FOXP2: variants seen among roughly 807,000 people sequenced by gnomAD.
FOXP2 encodes forkhead box P2.
In FOXP2, 12 loss-of-function variants were observed where a neutral mutation model predicts 115.8. The ratio of observed to expected loss-of-function variants is 0.10; its 90% CI spans 0.07 to 0.17. The LOEUF is 0.17. Among genes scored for constraint, FOXP2 ranks in the 10% least tolerant of loss-of-function variants. The pLI is 1.00. For missense variants in FOXP2, 629 were observed against 843.5 expected, an observed-to-expected ratio of 0.75 and a Z score of 3.15; for synonymous variants, 328 against 297.7, an observed-to-expected ratio of 1.10 and a Z score of -1.05.
chr7:114,103,362 A>T (rs570147770), intron 1 of FOXP2, among the ~76,000 whole-genome samples: 2 of 152,076 alleles, frequency 1.3e-5, no homozygotes, highest in Admixed American at 6.6e-5. Context: ...GTCTTTGGGT[A>T]AAAAGGATCT....
At chr7:114,493,472 T>TC (rs1797163583) in intron 2 of FOXP2, among the ~76,000 whole-genome samples, 1 of 152,130 alleles carries the variant, frequency 6.6e-6, no homozygotes, top group Non-Finnish European at 1.5e-5. Flanking sequence ...TATCACTCTG[T>TC]GAAGACAGGA....
chr7:114,426,159 C>T (rs746516250), intron 1 of FOXP2, among the ~76,000 whole-genome samples: 3 of 151,560 alleles, frequency 2.0e-5, no homozygotes, highest in Non-Finnish European at 4.4e-5. Flanking sequence ...TAATAGGAAA[C>T]AGAACAGAGT....
At chr7:114,294,751 G>T (rs1187654721) in intron 2 of FOXP2, among the ~76,000 whole-genome samples, 2 of 152,012 alleles carry the variant, frequency 1.3e-5, no homozygotes, top group African/African-American at 4.8e-5. Context: ...TGAGGCAGGA[G>T]AATCACTTGA....
intron 2 of FOXP2, among the ~76,000 whole-genome samples, chr7:114,317,675 G>C (rs1250435449): frequency 6.6e-6 from 1 of 152,080 alleles, no homozygotes; most frequent in East Asian, 1.9e-4. Flanking sequence ...TTCAAATCAT[G>C]TCACGTCATC....
At chr7:114,633,625 C>T (rs1805042231) in intron 6 of FOXP2, among the ~76,000 whole-genome samples, 1 of 152,174 alleles carries the variant, frequency 6.6e-6, no homozygotes, top group African/African-American at 2.4e-5. Flanking sequence ...GTAAGCCACA[C>T]AAACCGGCAT....
rs140642129 is a variant in FOXP2 at position 114,558,245 on chromosome 7, G to T, written c.258+23539G>T. On this transcript the variant is annotated intron_variant, in intron 3 of 16. Transcript: ENST00000350908. ...GAGTTTATAGAAACAAAAAGTTATT[G>T]CTTGCCATCAAGAAATTACCATTAA... is the stretch of plus-strand genomic sequence containing the variant. Among the ~76,000 whole-genome samples, 428 of 152,268 alleles carry T rather than the reference G, an allele frequency of 2.8e-3. 3 individuals carry two copies. Among genetic ancestry groups the T allele is most frequent in the African/African-American group, 9.7e-3 (404 of 41,562 alleles).
chr7:114,521,806 G>A (rs1204002734), intron 2 of FOXP2, among the ~76,000 whole-genome samples: 3 of 152,108 alleles, frequency 2.0e-5, no homozygotes, highest in Non-Finnish European at 2.9e-5. Flanking sequence ...TAGATCACTA[G>A]TTGGTCCTCT....
chr7:114,521,222 G>T (rs1198506959), intron 2 of FOXP2, among the ~76,000 whole-genome samples: 1 of 152,072 alleles, frequency 6.6e-6, no homozygotes, highest in Non-Finnish European at 1.5e-5. Flanking sequence ...TAATTTCATG[G>T]ATAATTGAGT....
At chr7:114,327,744 C>T (rs1235272559) in intron 2 of FOXP2, among the ~76,000 whole-genome samples, 1 of 152,012 alleles carries the variant, frequency 6.6e-6, no homozygotes, top group Admixed American at 6.6e-5. Flanking sequence ...TCGTGATCTG[C>T]CACCCTCAGC....
intron 2 of FOXP2, among the ~76,000 whole-genome samples, chr7:114,430,815 G>T (rs762027338): frequency 2.0e-5 from 3 of 151,604 alleles, no homozygotes; most frequent in African/African-American, 7.3e-5. Flanking sequence ...ACTTATACTC[G>T]CTTAATCTCA....
chr7:114,534,562 T>C, intron 2 of FOXP2, 55 bp from the exon 3 acceptor site: 2 of 1,405,698 alleles, frequency 1.4e-6, no homozygotes, highest in Non-Finnish European at 1.0e-6. Context: ...CAAGAGATAA[T>C]TGATAACTTA....
intron 1 of FOXP2, among the ~76,000 whole-genome samples, chr7:114,236,085 C>T (rs989468142): frequency 2.0e-5 from 3 of 152,052 alleles, no homozygotes; most frequent in African/African-American, 7.2e-5. Flanking sequence ...ATAGAAACTG[C>T]TGAATAAATA....
At chr7:114,446,793 G>A (rs1794853629) in intron 2 of FOXP2, among the ~76,000 whole-genome samples, 1 of 146,746 alleles carries the variant, frequency 6.8e-6, no homozygotes, top group Non-Finnish European at 1.5e-5. Context: ...AGCTCAGGCT[G>A]GAGTGCATGC....
intron 16 of FOXP2, among the ~76,000 whole-genome samples, chr7:114,682,121 GC>G (rs1285746779): frequency 6.6e-6 from 1 of 152,056 alleles, no homozygotes; most frequent in African/African-American, 2.4e-5. Flanking sequence ...TGTTTTCCTT[GC>G]TTTATGGGTA....
At chr7:114,319,194 T>C (rs1797347762) in intron 2 of FOXP2, among the ~76,000 whole-genome samples, 1 of 152,026 alleles carries the variant, frequency 6.6e-6, no homozygotes, top group Non-Finnish European at 1.5e-5. Context: ...GGGAAACTTG[T>C]TTATACTGGA....
chr7:114,502,197 A>G lies in FOXP2; in HGVS notation c.169-32420A>G, dbSNP rs574773291. Among the ~76,000 whole-genome samples the G allele has an allele frequency of 3.3e-4, 50 of 152,226 alleles. No individual in the cohort carries two copies. In the Middle Eastern group the frequency reaches 0.017, roughly 52 times the overall value. On this transcript the variant is annotated intron_variant, in intron 2 of 16. Coordinates refer to ENST00000350908, the MANE Select transcript of FOXP2 (RefSeq NM_014491.4). ...TGGTCATTCAGCATACTTAAGGCAT[A>G]TCTGTGCTAATGTTAAGCCTTATAT...
At chr7:114,343,240 C>A (rs1217129497) in intron 2 of FOXP2, among the ~76,000 whole-genome samples, 1 of 151,528 alleles carries the variant, frequency 6.6e-6, no homozygotes, top group African/African-American at 2.4e-5. Context: ...TCCTTGCCAC[C>A]ACTCCTGTGT....
chr7:114,153,905 G>A (rs1368102881), intron 1 of FOXP2, among the ~76,000 whole-genome samples: 1 of 152,092 alleles, frequency 6.6e-6, no homozygotes, highest in Admixed American at 6.6e-5. Flanking sequence ...AGCCCTCCTT[G>A]ATGTGCCTTA....
chr7:114,472,214 T>A (rs888828304), intron 2 of FOXP2, among the ~76,000 whole-genome samples: 1 of 150,746 alleles, frequency 6.6e-6, no homozygotes, highest in Admixed American at 6.6e-5. Flanking sequence ...CTTTTAAAGT[T>A]AAAAAAAAAG....
Sources: gnomAD v4.1 joint callset for allele counts (sites outside exome capture counted in the v4.1 genomes callset) on GRCh38, gnomAD v4.1.1 for gene constraint, MANE v1.5 for transcripts, NCBI Gene and HGNC (gene_info 2026-07-23, HGNC 2026-07-21) for gene names.